COL11A2: variants seen among roughly 807,000 people sequenced by gnomAD.
COL11A2 encodes collagen type XI alpha 2 chain.
A neutral mutation model predicts 273.4 loss-of-function variants in COL11A2; 116 were observed. The ratio of observed to expected loss-of-function variants is 0.42; its 90% CI spans 0.36 to 0.49. The LOEUF (loss-of-function observed/expected upper bound fraction) is 0.49. Ranked by LOEUF, COL11A2 falls within the 20% of genes least tolerant of loss-of-function variation. COL11A2 has a pLI of 0.00. For missense variants in COL11A2, 1,866 were observed against 2,309.0 expected, an observed-to-expected ratio of 0.81 and a Z score of 3.93; for synonymous variants, 782 against 864.2, an observed-to-expected ratio of 0.90 and a Z score of 1.67.
chr6:33,168,813 T>C (rs997470995), intron 52 of COL11A2, 54 bp from the exon 53 acceptor site: 2 of 1,600,880 alleles, frequency 1.2e-6, no homozygotes, highest in Non-Finnish European at 1.7e-6. Flanking sequence ...TGGCATCACC[T>C]CCAAAACTGT....
At position 33,189,048 on chromosome 6, in the gene COL11A2, C is replaced by T; in HGVS notation, c.373G>A (p.Glu125Lys). The T allele has an allele frequency of 6.2e-7, 1 of 1,614,192 alleles. No homozygotes were observed. Among genetic ancestry groups the T allele is most frequent in the Non-Finnish European group, 8.5e-7 (1 of 1,180,032 alleles). ...ELGRPVRFLY[E>K]DQTGRPQPPS... is the part of the protein sequence containing the mutation. ...GGTTGAGGCCGCCCAGTCTGGTCTT[C>T]ATACAGGAAGCGGACAGGTCGGCCC... Residue 125 changes from glutamate to lysine, a missense_variant, in exon 3 of 66, where the codon GAA becomes AAA. Physicochemically the swap from Glu to Lys is moderately conservative, Grantham distance 56. Transcript: ENST00000341947. The surrounding 1 kb of genome is among the most constrained non-coding windows in gnomAD (Gnocchi z 5.6).
At chr6:33,180,938 G>A in intron 10 of COL11A2, 26 bp downstream of exon 10, 1 of 1,613,712 alleles carries the variant, frequency 6.2e-7, no homozygotes, top group African/African-American at 1.3e-5. Context: ...AGAAAAGAAT[G>A]GCCACCAGGT....
chr6:33,180,601 T>A (rs1335317501), intron 11 of COL11A2, 67 bp downstream of exon 11: 1 of 1,428,738 alleles, frequency 7.0e-7, no homozygotes, highest in Non-Finnish European at 9.6e-7. Context: ...CTGGGCATGG[T>A]AGCCCCCCGC....
chr6:33,167,221 GCACTGCC>G lies in COL11A2; in HGVS notation c.4176+36_4176+42del, dbSNP rs1338024124. ...TCCAGGGCTTCAGCTCTGTCCCAGG[GCACTGCC>G]CTCACCCCTCACTCAGCCCAATCCC... is the stretch of plus-strand genomic sequence containing the variant. On this transcript the variant is annotated intron_variant, in intron 57 of 65. Transcript: ENST00000341947. This position sits in a 1 kb window ranked among gnomAD's most constrained non-coding sequence, Gnocchi z 6.1. 1 of 1,613,880 alleles carries G rather than the reference GCACTGCC, an allele frequency of 6.2e-7. No individual in the cohort carries two copies. Among genetic ancestry groups the G allele is most frequent in the East Asian group, 2.2e-5 (1 of 44,880 alleles).
rs1371171246 is a variant in COL11A2 at position 33,177,074 on chromosome 6, A to C, written c.2017-29T>G. The C allele has an allele frequency of 3.1e-6, 5 of 1,612,654 alleles. No homozygotes were observed. Among genetic ancestry groups the C allele is most frequent in the East Asian group, 2.2e-5 (1 of 44,882 alleles). On this transcript the variant is annotated intron_variant, in intron 24 of 65. Transcript: ENST00000341947. This position sits in a 1 kb window ranked among gnomAD's most constrained non-coding sequence, Gnocchi z 5.9. Reference sequence around the variant, plus strand: ...CAGGAAGACAAAGAGGCTCAGGGTCACTAGAGGGGTCATGTCTGGACACAG... The same window carrying C: ...CAGGAAGACAAAGAGGCTCAGGGTCCCTAGAGGGGTCATGTCTGGACACAG...
chr6:33,163,792 C>T lies in COL11A2; in HGVS notation c.5097G>A (p.Glu1699=). The T allele has an allele frequency of 1.2e-6, 2 of 1,613,072 alleles. No individual in the cohort carries two copies. The highest frequency in any genetic ancestry group is 1.7e-6 in the Non-Finnish European group (2 of 1,180,016). ...CQTQQGRTVL[E]VRTPVLEQLP... ...GCTGCTCCAGCACAGGCGTTCGCACCTCCAGCACCGTCCGGCCTTGCTGTG... is the reference window on the plus strand; with the variant it reads ...GCTGCTCCAGCACAGGCGTTCGCACTTCCAGCACCGTCCGGCCTTGCTGTG... Residue 1699 remains glutamate, a synonymous_variant, in exon 66 of 66, where the codon GAG becomes GAA. Transcript: ENST00000341947. The surrounding 1 kb of genome is among the most constrained non-coding windows in gnomAD (Gnocchi z 4.1).
chr6:33,183,117 G>C (rs971532570), intron 8 of COL11A2, among the ~76,000 whole-genome samples: 1 of 152,170 alleles, frequency 6.6e-6, no homozygotes, highest in Non-Finnish European at 1.5e-5. Context: ...GCAGAAGACG[G>C]AGCGGAGTAG....
chr6:33,188,670 G>T, intron 3 of COL11A2, 146 bp from the exon 4 acceptor site: 2 of 909,432 alleles, frequency 2.2e-6, no homozygotes, highest in Non-Finnish European at 3.5e-6. Flanking sequence ...TGTTTACAGT[G>T]CACCAGACAC....
In COL11A2 at chr6:33,177,865, G is replaced by T; in HGVS notation, c.1873-159C>A. 1 of 847,134 alleles carries T rather than the reference G, an allele frequency of 1.2e-6. No individual in the cohort carries two copies. Among genetic ancestry groups the T allele is most frequent in the South Asian group, 1.5e-5 (1 of 67,658 alleles). The allele number at this position is 847,134 out of a possible 1,614,324, so 52.5% of individuals were successfully genotyped here. A position where few individuals can be genotyped will look rare whatever the true frequency, so the allele number is the denominator to read the frequency against. On this transcript the variant is annotated intron_variant, in intron 21 of 65. Transcript: ENST00000341947. The surrounding 1 kb of genome is among the most constrained non-coding windows in gnomAD (Gnocchi z 5.9). ...CCAGGCCTGCAGTGTGTGGGACTGTGGATCTGTGGGCTTGTGGGCTTTGGT... is the reference window on the plus strand; with the variant it reads ...CCAGGCCTGCAGTGTGTGGGACTGTTGATCTGTGGGCTTGTGGGCTTTGGT...
Position 33,167,347 on chromosome 6 carries a change from G to A in COL11A2, c.4123-30C>T. The A allele has an allele frequency of 6.2e-7, 1 of 1,613,090 alleles. No individual in the cohort carries two copies. Among genetic ancestry groups the A allele is most frequent in the Non-Finnish European group, 8.5e-7 (1 of 1,179,942 alleles). On this transcript the variant is annotated intron_variant, in intron 56 of 65. Transcript: ENST00000341947. This position sits in a 1 kb window ranked among gnomAD's most constrained non-coding sequence, Gnocchi z 6.1. ...AGATTTGAGGGGGCCACAGGGGTCA[G>A]GAGGAGCATCCCCACACTGCACCCC...
Position 33,164,718 on chromosome 6 carries a change from TAAG to T in COL11A2, c.4863+131_4863+133del. On this transcript the variant is annotated intron_variant, in intron 64 of 65. Coordinates refer to ENST00000341947, the MANE Select transcript of COL11A2 (RefSeq NM_080680.3). This position sits in a 1 kb window ranked among gnomAD's most constrained non-coding sequence, Gnocchi z 4.7. ...GGTGAAAAGGAAAAGAAGAAAGAGCTAAGAAGTGGAGAAGGGGTGGCAGGCTCC... is the reference window on the plus strand; with the variant it reads ...GGTGAAAAGGAAAAGAAGAAAGAGCTAAGTGGAGAAGGGGTGGCAGGCTCC... 1.3e-6 allele frequency: 1 copy of T among 766,240 alleles called. No individual in the cohort carries two copies. The highest frequency in any genetic ancestry group is 2.1e-6 in the Non-Finnish European group (1 of 467,630). 47.5% of individuals were successfully genotyped at this position (766,240 alleles called of 1,614,324 possible).
Position 33,169,630 on chromosome 6 carries a change from G to T in COL11A2, c.3691-140C>A. 1 of 1,060,148 alleles carries T rather than the reference G, an allele frequency of 9.4e-7. No individual in the cohort carries two copies. Among genetic ancestry groups the T allele is most frequent in the Admixed American group, 1.9e-5 (1 of 52,012 alleles). 65.7% of individuals were successfully genotyped at this position (1,060,148 alleles called of 1,614,324 possible). ...ATACACAGAAAGTCAAGCCTACAAG[G>T]GGAGTTCCCTAGTCCCCTTCCCTTC... On this transcript the variant is annotated intron_variant, in intron 50 of 65. Coordinates refer to ENST00000341947, the MANE Select transcript of COL11A2 (RefSeq NM_080680.3). This position sits in a 1 kb window ranked among gnomAD's most constrained non-coding sequence, Gnocchi z 5.5.
chr6:33,191,066 A>G (rs1583391155), intron 1 of COL11A2, among the ~76,000 whole-genome samples: 2 of 151,976 alleles, frequency 1.3e-5, no homozygotes, highest in Non-Finnish European at 2.9e-5. Context: ...CTAAAGTCCC[A>G]TCTCTACCCA....
chr6:33,167,955 A>G lies in COL11A2; in HGVS notation c.3961-103T>C, dbSNP rs537015314. 1 of 1,198,394 alleles carries G rather than the reference A, an allele frequency of 8.3e-7. No individual in the cohort carries two copies. Among genetic ancestry groups the G allele is most frequent in the East Asian group, 2.4e-5 (1 of 41,712 alleles). The allele number at this position is 1,198,394 out of a possible 1,614,324, so 74.2% of individuals were successfully genotyped here. A position where few individuals can be genotyped will look rare whatever the true frequency, so the allele number is the denominator to read the frequency against. On this transcript the variant is annotated intron_variant, in intron 54 of 65. Coordinates refer to ENST00000341947, the MANE Select transcript of COL11A2 (RefSeq NM_080680.3). This position sits in a 1 kb window ranked among gnomAD's most constrained non-coding sequence, Gnocchi z 6.1. ...CACACACATACACATGCACACACACACGTGCATACACAGGGACACGCGCCG... is the reference window on the plus strand; with the variant it reads ...CACACACATACACATGCACACACACGCGTGCATACACAGGGACACGCGCCG...
rs1417875917 is a variant in COL11A2 at position 33,166,115 on chromosome 6, C to T, written c.4428+56G>A. ...GGGGAGTCTATTTGTCCTGGAGAGA[C>T]ATCATCAAGTCCAGAGGGGGTGGAG... On this transcript the variant is annotated intron_variant, in intron 61 of 65. Transcript: ENST00000341947. This position sits in a 1 kb window ranked among gnomAD's most constrained non-coding sequence, Gnocchi z 4.8. 6.2e-7 allele frequency: 1 copy of T among 1,605,320 alleles called. No individual in the cohort carries two copies. The highest frequency in any genetic ancestry group is 1.1e-5 in the South Asian group (1 of 89,734).
rs750995470 is a variant in COL11A2, at chr6:33,166,512, C to T, written c.4392+1G>A. 2.5e-6 allele frequency: 4 copies of T among 1,613,316 alleles called. No homozygotes were observed. Among genetic ancestry groups the T allele is most frequent in the South Asian group, 1.1e-5 (1 of 91,032 alleles). On this transcript the variant is annotated splice_donor_variant, in intron 60 of 65. Coordinates refer to ENST00000341947, the MANE Select transcript of COL11A2 (RefSeq NM_080680.3). LOFTEE classifies it high-confidence loss of function. The surrounding 1 kb of genome is among the most constrained non-coding windows in gnomAD (Gnocchi z 4.8). ...TGTGGAGGAACAGAGGCAGTACTCACGGGGAGGCCGGGGGGACCTCCAGGA... is the reference window on the plus strand; with the variant it reads ...TGTGGAGGAACAGAGGCAGTACTCATGGGGAGGCCGGGGGGACCTCCAGGA...
intron 30 of COL11A2, 173 bp downstream of exon 30, chr6:33,175,401 T>C: frequency 2.8e-6 from 2 of 705,022 alleles, no homozygotes; most frequent in East Asian, 5.4e-5. Flanking sequence ...ACTTCTTATA[T>C]ATCCCCTCTG....
intron 7 of COL11A2, 101 bp downstream of exon 7, chr6:33,184,891 G>A: frequency 2.0e-6 from 2 of 977,264 alleles, no homozygotes; most frequent in Non-Finnish European, 3.2e-6. Context: ...GAACCCTCCG[G>A]CCAGAGGAGG....
chr6:33,177,519 T>A lies in COL11A2; in HGVS notation c.1918-54A>T. The A allele has an allele frequency of 6.2e-7, 1 of 1,602,022 alleles. No homozygotes were observed. Among genetic ancestry groups the A allele is most frequent in the Non-Finnish European group, 8.5e-7 (1 of 1,171,098 alleles). On this transcript the variant is annotated intron_variant, in intron 22 of 65. Coordinates refer to ENST00000341947, the MANE Select transcript of COL11A2 (RefSeq NM_080680.3). This position sits in a 1 kb window ranked among gnomAD's most constrained non-coding sequence, Gnocchi z 5.9. ...GAAGGAGATGGAGATAGAACACATT[T>A]AGAGCATGGAGCTGAGTCCCAGCAG...
Sources: allele counts gnomAD v4.1 joint callset (sites outside exome capture counted in the v4.1 genomes callset), GRCh38; gene constraint gnomAD v4.1.1; non-coding constraint Gnocchi (gnomAD v3.1); transcripts MANE v1.5; gene names NCBI Gene and HGNC (gene_info 2026-07-23, HGNC 2026-07-21).